Variants in BBS9 observed in about 807,000 individuals in gnomAD.
The protein encoded by BBS9 is Bardet-Biedl syndrome 9.
Under a neutral mutation model 117.7 loss-of-function variants are expected in BBS9, and 89 were observed. The observed-to-expected ratio is 0.76, with a 90% CI of 0.64 to 0.90. BBS9 has a LOEUF of 0.90. BBS9 is among the 40% of genes least tolerant of loss of function. The pLI, the probability that BBS9 is intolerant of heterozygous loss-of-function variation, is 0.00. For missense variants in BBS9, 982 were observed against 1,042.2 expected, an observed-to-expected ratio of 0.94 and a Z score of 0.80; for synonymous variants, 379 against 370.9, an observed-to-expected ratio of 1.02 and a Z score of -0.25.
At chr7:33,351,173 G>A (rs2128667235) in intron 13 of BBS9, 46 bp from the exon 14 acceptor site, 1 of 1,319,700 alleles carries the variant, frequency 7.6e-7, no homozygotes, top group Non-Finnish European at 1.1e-6. Context: ...GTTAATAACA[G>A]TTGCCCCAAA....
intron 9 of BBS9, among the ~76,000 whole-genome samples, chr7:33,330,893 T>C (rs1407691817): frequency 6.6e-6 from 1 of 152,196 alleles, no homozygotes; most frequent in African/African-American, 2.4e-5. Context: ...ACAGAAGCAA[T>C]AGGGTACACG....
At chr7:33,338,836 G>A (rs1815921685) in intron 10 of BBS9, among the ~76,000 whole-genome samples, 1 of 152,190 alleles carries the variant, frequency 6.6e-6, no homozygotes, top group Admixed American at 6.5e-5. Flanking sequence ...GATTTAGATA[G>A]TTGATCATGT....
intron 5 of BBS9, among the ~76,000 whole-genome samples, chr7:33,213,856 G>A (rs1196412487): frequency 6.6e-6 from 1 of 151,822 alleles, no homozygotes; most frequent in Non-Finnish European, 1.5e-5. Context: ...TATCCAGGAT[G>A]CAAGACAAAG....
chr7:33,315,724 A>G (rs758132349), intron 9 of BBS9, among the ~76,000 whole-genome samples: 18 of 152,162 alleles, frequency 1.2e-4, no homozygotes, highest in Non-Finnish European at 2.4e-4. Flanking sequence ...TTTATGTATC[A>G]TCTTTCTAGG....
intron 17 of BBS9, among the ~76,000 whole-genome samples, chr7:33,378,694 G>A (rs1395055900): frequency 6.6e-6 from 1 of 152,186 alleles, no homozygotes; most frequent in Non-Finnish European, 1.5e-5. Context: ...ACTTGACTTC[G>A]CTGGAGGAAG....
chr7:33,533,393 C>T (rs1467923411), intron 20 of BBS9, among the ~76,000 whole-genome samples: 1 of 152,192 alleles, frequency 6.6e-6, no homozygotes, highest in East Asian at 1.9e-4. Flanking sequence ...CCCTGTGTCT[C>T]ACACGATCCT....
chr7:33,540,742 C>T (rs1029675375), intron 21 of BBS9, among the ~76,000 whole-genome samples: 3 of 152,104 alleles, frequency 2.0e-5, no homozygotes, highest in Non-Finnish European at 4.4e-5. Context: ...GTTTATGGAG[C>T]GTGTTTGTAT....
intron 17 of BBS9, among the ~76,000 whole-genome samples, chr7:33,369,192 T>TTTAA (rs1321276316): frequency 6.6e-6 from 1 of 152,154 alleles, no homozygotes; most frequent in African/African-American, 2.4e-5. Flanking sequence ...TTTCTCTTAG[T>TTTAA]TTAACAGTTA....
In BBS9 at chr7:33,633,616, G is replaced by A. The variant is rs148860283; in HGVS notation, c.2522-1561G>A. 5.4e-3 allele frequency among the ~76,000 whole-genome samples: 808 copies of A among 150,806 alleles called. 7 individuals carry two copies. The highest frequency in any genetic ancestry group is 0.019 in the African/African-American group (789 of 41,082). On this transcript the variant is annotated intron_variant, in intron 21 of 21. Transcript: ENST00000671952. ...AATACAGTTCTCCTGTGATCTTTAC[G>A]GGTTTTACTGCAGGTAGTGGCTTCC... is the stretch of plus-strand genomic sequence containing the variant.
chr7:33,443,161 G>C (rs1351569228), intron 19 of BBS9, among the ~76,000 whole-genome samples: 1 of 152,080 alleles, frequency 6.6e-6, no homozygotes, highest in African/African-American at 2.4e-5. Context: ...ATTGATTTTG[G>C]TAAAAATGGA....
At chr7:33,441,491 A>T (rs1354002607) in intron 19 of BBS9, among the ~76,000 whole-genome samples, 1 of 152,162 alleles carries the variant, frequency 6.6e-6, no homozygotes, top group Non-Finnish European at 1.5e-5. Flanking sequence ...TACCTTGTGG[A>T]AACTTAATTC....
At chr7:33,471,266 A>C (rs1266579967) in intron 19 of BBS9, among the ~76,000 whole-genome samples, 2 of 152,152 alleles carry the variant, frequency 1.3e-5, no homozygotes, top group African/African-American at 4.8e-5. Flanking sequence ...ATTTATTCTA[A>C]AATTGTTACC....
At chr7:33,154,380 T>G (rs1793793516) in intron 3 of BBS9, among the ~76,000 whole-genome samples, 1 of 152,170 alleles carries the variant, frequency 6.6e-6, no homozygotes, top group Non-Finnish European at 1.5e-5. Context: ...AGACTTCAAT[T>G]ATAGTCCTTG....
chr7:33,528,316 C>T (rs1029440543), intron 20 of BBS9, among the ~76,000 whole-genome samples: 1 of 151,726 alleles, frequency 6.6e-6, no homozygotes, highest in Non-Finnish European at 1.5e-5. Flanking sequence ...GTTCTTTTAA[C>T]AGGTCTCGTG....
chr7:33,142,728 G>A (rs893864299), intron 1 of BBS9, among the ~76,000 whole-genome samples: 1 of 150,816 alleles, frequency 6.6e-6, no homozygotes, highest in East Asian at 1.9e-4. Flanking sequence ...TGTCCTCAAG[G>A]TTCATCTACA....
intron 16 of BBS9, among the ~76,000 whole-genome samples, chr7:33,365,116 T>C (rs1446803259): frequency 6.6e-6 from 1 of 152,016 alleles, no homozygotes; most frequent in East Asian, 1.9e-4. Flanking sequence ...TCCTGGTTTG[T>C]TGAGCTTCCT....
intron 5 of BBS9, among the ~76,000 whole-genome samples, chr7:33,246,660 T>A (rs563213371): frequency 3.9e-5 from 6 of 152,294 alleles, no homozygotes; most frequent in Non-Finnish European, 7.3e-5. Flanking sequence ...ATTTTTCTTT[T>A]GGATACAGGA....
intron 22 of BBS9, 105 bp downstream of exon 22, chr7:33,605,080 C>T (rs748904317): frequency 3.4e-6 from 5 of 1,464,010 alleles, no homozygotes; most frequent in Non-Finnish European, 4.8e-6. Context: ...TGCTTGTTTT[C>T]CAATTTCTTC....
chr7:33,383,182 A>C (rs1825392790), intron 17 of BBS9, among the ~76,000 whole-genome samples: 1 of 152,214 alleles, frequency 6.6e-6, no homozygotes, highest in Non-Finnish European at 1.5e-5. Context: ...TCTTCAAATT[A>C]AATAACTATT....
Sources: gnomAD v4.1 joint callset for allele counts (sites outside exome capture counted in the v4.1 genomes callset) on GRCh38, gnomAD v4.1.1 for gene constraint, MANE v1.5 for transcripts, NCBI Gene and HGNC (gene_info 2026-07-23, HGNC 2026-07-21) for gene names.